The following EYA4 variants were observed in gnomAD, a reference collection of about 807,000 sequenced individuals.
EYA4 encodes EYA transcriptional coactivator and phosphatase 4, also known as protein phosphatase EYA4.
A neutral mutation model predicts 87.9 loss-of-function variants in EYA4; 31 were observed. The ratio of observed to expected loss-of-function variants is 0.35; its 90% CI spans 0.27 to 0.48. The LOEUF is 0.48. Among genes scored for constraint, EYA4 ranks in the 20% least tolerant of loss-of-function variants. EYA4 has a pLI of 0.99. For synonymous variants in EYA4, 263 were observed against 270.6 expected (o/e 0.97, Z 0.28); for missense variants, 678 against 761.4 (o/e 0.89, Z 1.29).
intron 2 of EYA4, among the ~76,000 whole-genome samples, chr6:133,348,404 G>C (rs1177338379): frequency 6.6e-6 from 1 of 150,964 alleles, no homozygotes; most frequent in African/African-American, 2.4e-5. Flanking sequence ...CTCCTGAGTA[G>C]CTGGCATGCG....
At chr6:133,312,263 G>T (rs893935239) in intron 2 of EYA4, among the ~76,000 whole-genome samples, 1 of 151,992 alleles carries the variant, frequency 6.6e-6, no homozygotes, top group Non-Finnish European at 1.5e-5. Context: ...GGAGGGGTGA[G>T]GAAAAGGGAG....
intron 2 of EYA4, among the ~76,000 whole-genome samples, chr6:133,305,789 A>T (rs1485312007): frequency 6.6e-6 from 1 of 152,154 alleles, no homozygotes; most frequent in African/African-American, 2.4e-5. Context: ...AGGACCACAG[A>T]ATTGGTAACT....
intron 3 of EYA4, among the ~76,000 whole-genome samples, chr6:133,445,569 T>C (rs1164743847): frequency 2.6e-5 from 4 of 151,622 alleles, no homozygotes; most frequent in South Asian, 2.1e-4. Flanking sequence ...TAGTTTCCTT[T>C]CCTTTTTCTT....
At chr6:133,360,960 C>T (rs367723982) in intron 2 of EYA4, among the ~76,000 whole-genome samples, 37 of 152,292 alleles carry the variant, frequency 2.4e-4, no homozygotes, top group East Asian at 1.3e-3. Flanking sequence ...GACACAGAAG[C>T]GCTTTAGACT....
Position 133,335,640 on chromosome 6 carries a change from G to A in EYA4, c.34-46752G>A, listed in dbSNP as rs577160663. Among the ~76,000 whole-genome samples, 3 of 152,244 alleles carry A rather than the reference G, an allele frequency of 2.0e-5. No homozygotes were observed. The South Asian group carries it at 6.2e-4, about 32-fold the overall frequency. On this transcript the variant is annotated intron_variant, in intron 2 of 19. Coordinates refer to ENST00000355286, the MANE Select transcript of EYA4 (RefSeq NM_004100.5). The stretch of plus-strand genomic sequence containing the variant: ...GATTGAAGACTAAAACTAATAAATA[G>A]GAATTAAGTAGGAAGAGGTTCTTGG...
rs947589257 is a variant in EYA4 at position 133,255,718 on chromosome 6, C to T, written c.-66+13969C>T. On this transcript the variant is annotated intron_variant, in intron 1 of 19. Coordinates refer to ENST00000355286, the MANE Select transcript of EYA4 (RefSeq NM_004100.5). ...GATTTCCTTAAAACTTGCTTTTGAT[C>T]TGCTGAATCTTGAATATTTTTCCAC... Among the ~76,000 whole-genome samples, 3 of 151,874 alleles carry T rather than the reference C, an allele frequency of 2.0e-5. No individual in the cohort carries two copies. The South Asian group carries it at 6.2e-4, about 31-fold the overall frequency.
At chr6:133,302,549 T>C (rs2128316431) in intron 2 of EYA4, among the ~76,000 whole-genome samples, 1 of 152,344 alleles carries the variant, frequency 6.6e-6, no homozygotes, top group East Asian at 1.9e-4. Flanking sequence ...CAATCCGTTA[T>C]ACTTGTGTTT....
In EYA4 at chr6:133,377,540, A is replaced by G. The variant is rs145141300; in HGVS notation, c.34-4852A>G. ...GATATTTTGGACAGAAAAAGAAACA[A>G]CGCAGAAGTTGTTTTTCACATTAGT... On this transcript the variant is annotated intron_variant, in intron 2 of 19. Coordinates refer to ENST00000355286, the MANE Select transcript of EYA4 (RefSeq NM_004100.5). Among the ~76,000 whole-genome samples, 308 of 148,094 alleles carry G rather than the reference A, an allele frequency of 2.1e-3. 1 individual carries two copies. Among genetic ancestry groups the G allele is most frequent in the African/African-American group, 6.9e-3 (277 of 40,352 alleles).
In EYA4 at chr6:133,464,365, C is replaced by T. The variant is rs1377054292; in HGVS notation, c.725-414C>T. Among the ~76,000 whole-genome samples, 7 of 152,246 alleles carry T rather than the reference C, an allele frequency of 4.6e-5. No homozygotes were observed. In the South Asian group the frequency reaches 8.3e-4, roughly 18 times the overall value. On this transcript the variant is annotated intron_variant, in intron 9 of 19. Coordinates refer to ENST00000355286, the MANE Select transcript of EYA4 (RefSeq NM_004100.5). ...TGGGGTTCTGTATGTTTATTTCCCACGCTAAAAACCCTGTACAAATGTTGA... is the reference window on the plus strand; with the variant it reads ...TGGGGTTCTGTATGTTTATTTCCCATGCTAAAAACCCTGTACAAATGTTGA...
At chr6:133,257,543 A>G (rs1273381228) in intron 1 of EYA4, among the ~76,000 whole-genome samples, 1 of 152,198 alleles carries the variant, frequency 6.6e-6, no homozygotes, top group East Asian at 1.9e-4. Context: ...TGGAAAATGT[A>G]TTATACAAAC....
Position 133,261,480 on chromosome 6 carries a change from A to G in EYA4, c.-65-13236A>G, listed in dbSNP as rs139808049. On this transcript the variant is annotated intron_variant, in intron 1 of 19. Coordinates refer to ENST00000355286, the MANE Select transcript of EYA4 (RefSeq NM_004100.5). ...TTATTGATTATATCAGTCTCTCAAC[A>G]CTAAAGGCACCAGTCACAACTTTGA... Among the ~76,000 whole-genome samples the G allele has an allele frequency of 1.1e-3, 172 of 152,334 alleles. 2 individuals carry two copies. Among genetic ancestry groups the G allele is most frequent in the African/African-American group, 3.9e-3 (164 of 41,580 alleles).
chr6:133,381,880 T>C (rs540510632), intron 2 of EYA4, among the ~76,000 whole-genome samples: 51 of 152,170 alleles, frequency 3.4e-4, no homozygotes, highest in Non-Finnish European at 6.8e-4. Flanking sequence ...ACTGAAAATA[T>C]ATGTGTGAAG....
chr6:133,377,333 G>C, intron 2 of EYA4, among the ~76,000 whole-genome samples: 1 of 151,838 alleles, frequency 6.6e-6, no homozygotes, highest in Admixed American at 6.6e-5. Flanking sequence ...TTTGAAATCT[G>C]GTGTGCTTTT....
At chr6:133,266,317 A>G (rs1776221076) in intron 1 of EYA4, among the ~76,000 whole-genome samples, 1 of 152,194 alleles carries the variant, frequency 6.6e-6, no homozygotes, top group South Asian at 2.1e-4. Flanking sequence ...CAGAGATTGG[A>G]GTGATGCATC....
At chr6:133,243,151 C>G (rs1003317692) in intron 1 of EYA4, among the ~76,000 whole-genome samples, 9 of 149,498 alleles carry the variant, frequency 6.0e-5, no homozygotes, top group African/African-American at 9.8e-5. Flanking sequence ...GGTAACAGGA[C>G]TCTGGTGTTC....
chr6:133,403,484 A>G (rs769230644), intron 3 of EYA4, among the ~76,000 whole-genome samples: 2 of 152,240 alleles, frequency 1.3e-5, no homozygotes, highest in Non-Finnish European at 2.9e-5. Context: ...CACAGGGGGA[A>G]AAAATACAAC....
At chr6:133,457,336 A>G (rs569429530) in intron 6 of EYA4, among the ~76,000 whole-genome samples, 3 of 152,156 alleles carry the variant, frequency 2.0e-5, no homozygotes, top group African/African-American at 4.8e-5. Context: ...TCGGCTTTTT[A>G]TCTGGTGAAA....
intron 2 of EYA4, among the ~76,000 whole-genome samples, chr6:133,335,202 G>A (rs1782274175): frequency 6.6e-6 from 1 of 152,198 alleles, no homozygotes; most frequent in Non-Finnish European, 1.5e-5. Context: ...AAGAACTGCA[G>A]TAGTGGTTCA....
chr6:133,478,442 C>T (rs1174217049), intron 11 of EYA4, among the ~76,000 whole-genome samples: 1 of 131,960 alleles, frequency 7.6e-6, no homozygotes, highest in Non-Finnish European at 1.8e-5. Context: ...GTAATAGATA[C>T]AGTGTAATAT....
Sources: allele counts gnomAD v4.1 joint callset (sites outside exome capture counted in the v4.1 genomes callset), GRCh38; gene constraint gnomAD v4.1.1; transcripts MANE v1.5; gene names NCBI Gene and HGNC (gene_info 2026-07-23, HGNC 2026-07-21).